Variants in WIPI1 observed in about 807,000 individuals in gnomAD.
The protein encoded by WIPI1 is WD repeat domain, phosphoinositide interacting 1.
In WIPI1, 45 loss-of-function variants were observed where a neutral mutation model predicts 55.3. The ratio of observed to expected loss-of-function variants is 0.81; its 90% CI spans 0.64 to 1.04. WIPI1 has a LOEUF of 1.04. Among genes scored for constraint, WIPI1 ranks in the 50% least tolerant of loss-of-function variants. WIPI1 has a pLI of 0.00. For synonymous variants in WIPI1, 195 were observed against 217.6 expected (o/e 0.90, Z 0.92); for missense variants, 445 against 559.0 (o/e 0.80, Z 2.06).
intron 4 of WIPI1, among the ~76,000 whole-genome samples, chr17:68,443,260 G>A (rs9901988): frequency 0.27 from 40,683 of 151,848 alleles, 5,607 homozygotes; most frequent in Admixed American, 0.3. Context: ...ACAGGCACTC[G>A]CCACCATGCT....
At chr17:68,451,842 G>C (rs1353499343) in intron 2 of WIPI1, among the ~76,000 whole-genome samples, 4 of 152,186 alleles carry the variant, frequency 2.6e-5, no homozygotes, top group Admixed American at 2.6e-4. Flanking sequence ...TGACCCTCCT[G>C]AGCACAAAGG....
chr17:68,445,083 G>T (rs888755871), intron 3 of WIPI1, among the ~76,000 whole-genome samples: 3 of 151,974 alleles, frequency 2.0e-5, no homozygotes, highest in Non-Finnish European at 2.9e-5. Context: ...ACCACACCTG[G>T]CTAATTTTGT....
chr17:68,427,630 A>G (rs371274525), intron 10 of WIPI1: 1 of 177,364 alleles, frequency 5.6e-6, no homozygotes, highest in East Asian at 1.7e-4. Flanking sequence ...TAAATTGTAG[A>G]CCTACCCACA....
intron 5 of WIPI1, 21 bp downstream of exon 5, chr17:68,436,361 G>C: frequency 1.9e-6 from 3 of 1,610,972 alleles, no homozygotes; most frequent in Non-Finnish European, 2.5e-6. Flanking sequence ...GGTTGGCTCA[G>C]CCAGGTCACC....
At chr17:68,442,202 G>A (rs1003847024) in intron 4 of WIPI1, among the ~76,000 whole-genome samples, 1 of 152,128 alleles carries the variant, frequency 6.6e-6, no homozygotes, top group Non-Finnish European at 1.5e-5. Flanking sequence ...GCTGACTCAT[G>A]CCTATAATTC....
chr17:68,429,952 G>T (rs776832111), intron 9 of WIPI1, 44 bp downstream of exon 9: 1 of 1,609,532 alleles, frequency 6.2e-7, no homozygotes, highest in Admixed American at 1.7e-5. Context: ...AAAATACATT[G>T]ACGAAAGTGT....
At chr17:68,445,148 G>A (rs530472149) in intron 3 of WIPI1, among the ~76,000 whole-genome samples, 23 of 152,124 alleles carry the variant, frequency 1.5e-4, no homozygotes, top group Admixed American at 1.5e-3. Context: ...TCGAACTCCC[G>A]ACCTCAGGTG....
At chr17:68,433,893 C>T (rs2083655345) in intron 7 of WIPI1, among the ~76,000 whole-genome samples, 1 of 149,176 alleles carries the variant, frequency 6.7e-6, no homozygotes, top group Non-Finnish European at 1.5e-5. Flanking sequence ...AGCGATTCTC[C>T]TGCCTCAGCC....
chr17:68,432,219 G>A (rs2083562128), intron 8 of WIPI1, among the ~76,000 whole-genome samples: 2 of 152,170 alleles, frequency 1.3e-5, no homozygotes, highest in South Asian at 4.1e-4. Flanking sequence ...CTGGGGGTGG[G>A]GGGAGACAAG....
chr17:68,427,156 A>T lies in WIPI1; in HGVS notation c.1171T>A (p.Ser391Thr), dbSNP rs1160172279. 16 of 1,613,954 alleles carry T rather than the reference A, an allele frequency of 9.9e-6. No homozygotes were observed. The highest frequency in any genetic ancestry group is 1.4e-5 in the Non-Finnish European group (16 of 1,179,974). ...YAATVARPSA[S>T]SASTVPGYSE... ...CCACCTGGCACCGTGGAGGCTGAAGATGCACTTGGTCTGGCTACGGTCGCT... is the reference window on the plus strand; with the variant it reads ...CCACCTGGCACCGTGGAGGCTGAAGTTGCACTTGGTCTGGCTACGGTCGCT... The change falls in exon 11 of 13, where the codon TCT (serine) becomes ACT (threonine). Residue 391 changes from serine (S) to threonine (T), a missense_variant. Coordinates refer to ENST00000262139, the MANE Select transcript of WIPI1 (RefSeq NM_017983.7).
At position 68,426,165 on chromosome 17, in the gene WIPI1, C is replaced by T. The variant is rs913205019; in HGVS notation, c.1203G>A (p.Glu401=). The change falls in exon 12 of 13, where the codon GAG becomes GAA. Residue 401 remains glutamate (E), a synonymous_variant. Transcript: ENST00000262139. Reference sequence around the variant, plus strand: ...CTTCTCCTCGCAGCGCCCCGCCGTCCTCAGAATAACCTGGAAACCAAGAAA... The same window carrying T: ...CTTCTCCTCGCAGCGCCCCGCCGTCTTCAGAATAACCTGGAAACCAAGAAA... ...SSASTVPGYS[E]DGGALRGEVI... 4.4e-6 allele frequency: 7 copies of T among 1,593,476 alleles called. No homozygotes were observed. Among genetic ancestry groups the T allele is most frequent in the Non-Finnish European group, 6.0e-6 (7 of 1,169,838 alleles).
chr17:68,447,917 C>T (rs771205468), intron 3 of WIPI1, among the ~76,000 whole-genome samples: 2 of 142,564 alleles, frequency 1.4e-5, no homozygotes, highest in Non-Finnish European at 3.0e-5. Context: ...TGCTTGAACA[C>T]GGGAGGTAGA....
chr17:68,441,076 C>T (rs982705343), intron 4 of WIPI1: 5 of 152,206 alleles, frequency 3.3e-5, no homozygotes, highest in African/African-American at 1.2e-4. Context: ...CTCAATATCC[C>T]ATAAAAGGTG....
intron 11 of WIPI1, among the ~76,000 whole-genome samples, chr17:68,426,737 G>A (rs779703753): frequency 3.9e-5 from 6 of 152,130 alleles, no homozygotes; most frequent in Non-Finnish European, 8.8e-5. Context: ...GTTTCACCAT[G>A]TTGGCTAGGC....
At chr17:68,449,316 C>T (rs2084405269) in intron 3 of WIPI1, among the ~76,000 whole-genome samples, 1 of 152,224 alleles carries the variant, frequency 6.6e-6, no homozygotes, top group Admixed American at 6.5e-5. Flanking sequence ...ATGGTGAACA[C>T]ACCAGCACAG....
intron 12 of WIPI1, chr17:68,424,360 G>A (rs751784346): frequency 8.9e-5 from 45 of 503,416 alleles, no homozygotes; most frequent in African/African-American, 3.9e-4. Context: ...GGGCCCCACC[G>A]CAGCTTTGTT....
intron 3 of WIPI1, among the ~76,000 whole-genome samples, chr17:68,446,736 T>C (rs2084300726): frequency 6.6e-6 from 1 of 152,226 alleles, no homozygotes; most frequent in African/African-American, 2.4e-5. Context: ...ATCCCTGGGA[T>C]AGCGGGGCCT....
intron 11 of WIPI1, 75 bp from the exon 12 acceptor site, chr17:68,426,250 G>GGGGGGGGGGGGGGT: frequency 3.6e-6 from 3 of 828,060 alleles, no homozygotes; most frequent in South Asian, 2.6e-5. Flanking sequence ...GGTGGGGAGC[G>GGGGGGGGGGGGGGT]GGGGCTCAAA....
chr17:68,427,231 C>T lies in WIPI1; in HGVS notation c.1096G>A (p.Glu366Lys). 1 of 1,614,122 alleles carries T rather than the reference C, an allele frequency of 6.2e-7. No homozygotes were observed. The change falls in exon 11 of 13, where the codon GAA (glutamate) becomes AAA (lysine). Residue 366 changes from glutamate to lysine, a missense_variant. Physicochemically the swap from Glu to Lys is moderately conservative, Grantham distance 56. Transcript: ENST00000262139. ...THSLLGSGTT[E>K]ENKENDLRPS... ...CTGAGGTCATTTTCTTTATTCTCTT[C>T]TGTTGTTCCTGAGCCAAGCAAGCTA...
Sources: allele counts gnomAD v4.1 joint callset (sites outside exome capture counted in the v4.1 genomes callset), GRCh38; gene constraint gnomAD v4.1.1; transcripts MANE v1.5; gene names NCBI Gene and HGNC (gene_info 2026-07-23, HGNC 2026-07-21).